Variants in GPHN observed in about 807,000 individuals in gnomAD.
The protein encoded by GPHN is gephyrin.
In GPHN, 17 loss-of-function variants were observed where a neutral mutation model predicts 95.5. That is an observed-to-expected ratio of 0.18 (90% CI 0.12 to 0.27). The LOEUF is 0.27. GPHN is among the 10% of genes least tolerant of loss of function. The pLI is 1.00. For missense variants in GPHN, 660 were observed against 978.1 expected (o/e 0.67, Z 4.34); for synonymous variants, 320 against 322.5 (o/e 0.99, Z 0.08).
chr14:67,395,613 C>A, the GPHN span: 2 of 1,607,356 alleles, frequency 1.2e-6, no homozygotes, highest in Admixed American at 3.3e-5. Context: ...GTCAGGCCAG[C>A]ACTCAGGCAG....
At chr14:67,270,806 C>T in the GPHN span, 3 of 151,984 alleles carry the variant, frequency 2.0e-5, no homozygotes, top group Non-Finnish European at 4.4e-5. Context: ...ATTAAATTAA[C>T]TTGTGAGCAT....
chr14:67,573,376 A>G, the GPHN span: 2 of 1,600,410 alleles, frequency 1.2e-6, no homozygotes, highest in Non-Finnish European at 1.7e-6. This position sits in a 1 kb window ranked among gnomAD's most constrained non-coding sequence, Gnocchi z 4.8. Flanking sequence ...ATTATGTACT[A>G]CAAGTCCCCG....
chr14:66,583,667 G>C (rs111568902), intron 1 of GPHN, among the ~76,000 whole-genome samples: 13 of 152,106 alleles, frequency 8.5e-5, no homozygotes, highest in Admixed American at 3.3e-4. Flanking sequence ...GCTTGTTTTT[G>C]TCAGGTTTGT....
chr14:66,973,013 A>G (rs1040227181), intron 9 of GPHN, among the ~76,000 whole-genome samples: 5 of 152,228 alleles, frequency 3.3e-5, no homozygotes, highest in Non-Finnish European at 7.3e-5. Flanking sequence ...TCAAGCCCTG[A>G]AAGGGTCTCC....
intron 2 of GPHN, among the ~76,000 whole-genome samples, chr14:66,748,535 C>G (rs1334519712): frequency 6.6e-6 from 1 of 151,868 alleles, no homozygotes; most frequent in Non-Finnish European, 1.5e-5. Flanking sequence ...CATTATTACC[C>G]GATCCATACT....
intron 1 of GPHN, among the ~76,000 whole-genome samples, chr14:66,666,419 A>G (rs934121017): frequency 6.6e-6 from 1 of 151,950 alleles, no homozygotes; most frequent in Non-Finnish European, 1.5e-5. Context: ...TAATAAAAAA[A>G]AAAGCTTGTC....
rs112038921 is a variant in GPHN, at chr14:66,783,372, A to G, written c.201+6851A>G. Among the ~76,000 whole-genome samples the G allele has an allele frequency of 3.1e-3, 468 of 152,168 alleles. 10 individuals carry two copies. Among genetic ancestry groups the G allele is most frequent in the African/African-American group, 0.011 (443 of 41,520 alleles). On this transcript the variant is annotated intron_variant, in intron 3 of 22. Transcript: ENST00000478722. ...TTTCCTGGCTATGATATTAAAGTTG[A>G]AACCAAGCAGAAGTTGATCTATCAC...
the GPHN span, among the ~76,000 whole-genome samples, chr14:67,558,729 T>C: frequency 2.6e-5 from 4 of 152,332 alleles, no homozygotes; most frequent in African/African-American, 9.6e-5. Context: ...GCCATAGCCT[T>C]AGTTGCCACA....
At chr14:67,193,316 ATATCTATATATCTCTATATAGATATC>A in the GPHN span, among the ~76,000 whole-genome samples, 9 of 128,868 alleles carry the variant, frequency 7.0e-5, no homozygotes, top group South Asian at 2.4e-4. Flanking sequence ...CTCTATATAG[ATATCTATATATCTCTATATAGATATC>A]TATCTATATA....
intron 2 of GPHN, among the ~76,000 whole-genome samples, chr14:66,723,174 A>G (rs564897846): frequency 3.0e-5 from 4 of 132,112 alleles, no homozygotes; most frequent in Non-Finnish European, 4.5e-5. Context: ...ACAACCAACT[A>G]ATTTTTTAAT....
chr14:67,649,272 A>G, the GPHN span: 1 of 152,174 alleles, frequency 6.6e-6, no homozygotes, highest in Non-Finnish European at 1.5e-5. Flanking sequence ...CTATAATCCC[A>G]GTACTCTGGG....
At chr14:67,203,911 C>T in the GPHN span, among the ~76,000 whole-genome samples, 1 of 152,178 alleles carries the variant, frequency 6.6e-6, no homozygotes, top group Non-Finnish European at 1.5e-5. Flanking sequence ...AGAGTTTCAC[C>T]ATATTGGTCA....
chr14:67,018,500 GT>G (rs901163505), intron 9 of GPHN, among the ~76,000 whole-genome samples: 4 of 152,154 alleles, frequency 2.6e-5, no homozygotes, highest in African/African-American at 9.7e-5. Context: ...ATACAAGGCA[GT>G]TTCTAGAGGA....
chr14:67,035,667 C>T (rs2074387099), intron 10 of GPHN, among the ~76,000 whole-genome samples: 1 of 151,784 alleles, frequency 6.6e-6, no homozygotes, highest in African/African-American at 2.4e-5. Context: ...GGTGTTCAGT[C>T]ACAGTCTTGG....
At chr14:67,082,573 C>T (rs1460166479) in intron 11 of GPHN, among the ~76,000 whole-genome samples, 1 of 152,152 alleles carries the variant, frequency 6.6e-6, no homozygotes, top group Non-Finnish European at 1.5e-5. Context: ...ATGACTCCTC[C>T]AACTTTGTTC....
At chr14:67,554,101 T>C in the GPHN span, among the ~76,000 whole-genome samples, 4 of 151,970 alleles carry the variant, frequency 2.6e-5, no homozygotes, top group African/African-American at 9.7e-5. Flanking sequence ...AGCATCTGTG[T>C]CTCCCCAGTC....
At chr14:66,752,373 T>C (rs1290502189) in intron 2 of GPHN, among the ~76,000 whole-genome samples, 3 of 152,260 alleles carry the variant, frequency 2.0e-5, no homozygotes, top group Non-Finnish European at 2.9e-5. Flanking sequence ...GCTTATTCAT[T>C]TCTAGCTTTT....
chr14:66,835,332 T>G (rs1208524650), intron 4 of GPHN, among the ~76,000 whole-genome samples: 1 of 151,768 alleles, frequency 6.6e-6, no homozygotes, highest in Non-Finnish European at 1.5e-5. Flanking sequence ...TTTCTAGTTC[T>G]TTTAATTGTG....
the GPHN span, among the ~76,000 whole-genome samples, chr14:67,531,785 A>G: frequency 9.0e-5 from 13 of 144,630 alleles, no homozygotes; most frequent in African/African-American, 3.3e-4. Flanking sequence ...GCATGTGCCT[A>G]TAGTCCCAGC....
Sources: gnomAD v4.1 joint callset for allele counts (sites outside exome capture counted in the v4.1 genomes callset) on GRCh38, gnomAD v4.1.1 for gene constraint, Gnocchi (gnomAD v3.1) non-coding constraint, MANE v1.5 for transcripts, NCBI Gene and HGNC (gene_info 2026-07-23, HGNC 2026-07-21) for gene names.